The following DLG2 variants were observed in gnomAD, a reference collection of about 807,000 sequenced individuals.
DLG2 encodes discs large MAGUK scaffold protein 2.
Under a neutral mutation model 132.5 loss-of-function variants are expected in DLG2, and 45 were observed. That is an observed-to-expected ratio of 0.34 (90% confidence interval 0.27 to 0.44). DLG2 has a LOEUF of 0.44. Ranked by LOEUF, DLG2 falls within the 20% of genes least tolerant of loss-of-function variation. The probability of loss-of-function intolerance (pLI) is 1.00; values close to 1 mark genes in which losing one functional copy is unlikely to be tolerated. For missense variants in DLG2, 1,045 were observed against 1,196.9 expected (o/e 0.87, Z 1.87); for synonymous variants, 424 against 419.6 (o/e 1.01, Z -0.13).
intron 3 of DLG2, among the ~76,000 whole-genome samples, chr11:85,288,517 T>C (rs2078697778): frequency 6.6e-6 from 1 of 151,834 alleles, no homozygotes; most frequent in African/African-American, 2.4e-5. Context: ...AGAAAAGAAT[T>C]TGGGCATGGT....
intron 3 of DLG2, among the ~76,000 whole-genome samples, chr11:85,571,635 A>G (rs1201378773): frequency 6.6e-6 from 1 of 152,200 alleles, no homozygotes; most frequent in Non-Finnish European, 1.5e-5. Flanking sequence ...ATACACATGC[A>G]TTTGGTCTCC....
chr11:85,500,941 A>G (rs1003384590), intron 3 of DLG2, among the ~76,000 whole-genome samples: 9 of 152,242 alleles, frequency 5.9e-5, no homozygotes, highest in Non-Finnish European at 1.3e-4. Context: ...ATGCAACCAT[A>G]AAAGAGCTCC....
chr11:84,774,913 TA>T (rs1443683216), intron 6 of DLG2, among the ~76,000 whole-genome samples: 2 of 151,802 alleles, frequency 1.3e-5, no homozygotes, highest in African/African-American at 4.8e-5. Context: ...GCAACCGCAA[TA>T]AAAAGAAAAA....
At chr11:84,060,939 A>C (rs1353254805) in intron 10 of DLG2, among the ~76,000 whole-genome samples, 1 of 152,018 alleles carries the variant, frequency 6.6e-6, no homozygotes, top group African/African-American at 2.4e-5. Flanking sequence ...ACCTCCACAA[A>C]CGCCGACCTA....
intron 7 of DLG2, among the ~76,000 whole-genome samples, chr11:84,450,811 G>A (rs1042133749): frequency 6.6e-6 from 1 of 151,612 alleles, no homozygotes; most frequent in Non-Finnish European, 1.5e-5. Flanking sequence ...TGAAAGCAGA[G>A]GCCATGCCTG....
chr11:85,415,220 T>C (rs1031753657), intron 3 of DLG2, among the ~76,000 whole-genome samples: 6 of 152,336 alleles, frequency 3.9e-5, no homozygotes, highest in African/African-American at 1.2e-4. Flanking sequence ...TAGTATTCCA[T>C]GGCATATATG....
chr11:84,030,489 T>C (rs1271090390), intron 11 of DLG2, among the ~76,000 whole-genome samples: 1 of 152,116 alleles, frequency 6.6e-6, no homozygotes, highest in African/African-American at 2.4e-5. Flanking sequence ...CTCCAACACA[T>C]ACCTTTATGG....
chr11:84,960,092 A>T (rs889115974), intron 6 of DLG2, among the ~76,000 whole-genome samples: 13 of 152,244 alleles, frequency 8.5e-5, no homozygotes, highest in Non-Finnish European at 1.8e-4. Flanking sequence ...CATACTTAAC[A>T]GATGAAGACA....
At chr11:84,467,157 G>T (rs1294883893) in intron 7 of DLG2, among the ~76,000 whole-genome samples, 2 of 151,298 alleles carry the variant, frequency 1.3e-5, no homozygotes, top group East Asian at 3.9e-4. Context: ...TGTATCTTGG[G>T]CAGCAAAAGT....
intron 7 of DLG2, among the ~76,000 whole-genome samples, chr11:84,345,742 A>G (rs1217136020): frequency 6.6e-6 from 1 of 152,166 alleles, no homozygotes; most frequent in African/African-American, 2.4e-5. Context: ...AGTGTTAGCA[A>G]ATTGCAACTT....
chr11:83,651,325 T>C (rs2070331206), intron 18 of DLG2, among the ~76,000 whole-genome samples: 1 of 152,182 alleles, frequency 6.6e-6, no homozygotes, highest in Non-Finnish European at 1.5e-5. Flanking sequence ...TTGGAAATAA[T>C]GCCAACTACA....
chr11:84,873,591 T>C (rs548490452), intron 6 of DLG2, among the ~76,000 whole-genome samples: 1 of 152,336 alleles, frequency 6.6e-6, no homozygotes, highest in South Asian at 2.1e-4. Context: ...CTGTGTCAGG[T>C]ATGCCAATTC....
intron 3 of DLG2, among the ~76,000 whole-genome samples, chr11:85,494,605 T>A (rs969623159): frequency 6.6e-6 from 1 of 150,960 alleles, no homozygotes; most frequent in Admixed American, 6.6e-5. Context: ...ATATATTACA[T>A]AAGCTTATAA....
At chr11:85,140,114 A>G (rs1428452756) in intron 5 of DLG2, among the ~76,000 whole-genome samples, 2 of 152,052 alleles carry the variant, frequency 1.3e-5, no homozygotes, top group Non-Finnish European at 2.9e-5. Context: ...ATAATACCGC[A>G]AAGGTCATAC....
At chr11:84,898,530 T>C (rs1402363189) in intron 6 of DLG2, among the ~76,000 whole-genome samples, 1 of 152,002 alleles carries the variant, frequency 6.6e-6, no homozygotes, top group Non-Finnish European at 1.5e-5. Flanking sequence ...CTACTGCAAA[T>C]GTTCTTTGAC....
At chr11:84,261,101 A>C (rs2097543106) in intron 7 of DLG2, among the ~76,000 whole-genome samples, 1 of 152,222 alleles carries the variant, frequency 6.6e-6, no homozygotes, top group South Asian at 2.1e-4. Flanking sequence ...ATCCAGATTT[A>C]GGTGCCAGAA....
At chr11:85,271,041 G>A (rs747425875) in intron 4 of DLG2, among the ~76,000 whole-genome samples, 5 of 152,298 alleles carry the variant, frequency 3.3e-5, no homozygotes, top group Admixed American at 1.3e-4. Flanking sequence ...AGACAATGGG[G>A]AAAATGTCTC....
chr11:84,763,486 T>C (rs2067944700), intron 6 of DLG2: 1 of 152,206 alleles, frequency 6.6e-6, no homozygotes, highest in African/African-American at 2.4e-5. Context: ...CATATTTCAA[T>C]GATCACATTC....
At chr11:84,139,579 T>G (rs1275435084) in intron 9 of DLG2, among the ~76,000 whole-genome samples, 2 of 152,080 alleles carry the variant, frequency 1.3e-5, no homozygotes, top group Non-Finnish European at 2.9e-5. Context: ...TATTTTCTAT[T>G]TTTGGACTTA....
Sources: allele counts gnomAD v4.1 joint callset (sites outside exome capture counted in the v4.1 genomes callset), GRCh38; gene constraint gnomAD v4.1.1; transcripts MANE v1.5; gene names NCBI Gene and HGNC (gene_info 2026-07-23, HGNC 2026-07-21).